The following SP140 variants were observed in gnomAD, a reference collection of about 807,000 sequenced individuals.
SP140 encodes the protein SP140 nuclear body protein.
Under a neutral mutation model 125.0 loss-of-function variants are expected in SP140, and 81 were observed. That is an observed-to-expected ratio of 0.65 (90% confidence interval 0.54 to 0.78). The LOEUF is 0.78. Among genes scored for constraint, SP140 ranks in the 30% least tolerant of loss-of-function variants. The pLI is 0.00. For synonymous variants in SP140, 312 were observed against 354.0 expected (o/e 0.88, Z 1.33); for missense variants, 858 against 1,037.0 (o/e 0.83, Z 2.37).
chr2:230,233,751 T>C (rs2047587654), intron 1 of SP140, among the ~76,000 whole-genome samples: 1 of 152,234 alleles, frequency 6.6e-6, no homozygotes. Context: ...AGCATTGCTT[T>C]ACATTTTTAT....
chr2:230,208,601 T>C (rs932255666), intron 1 of SP140, among the ~76,000 whole-genome samples: 4 of 152,138 alleles, frequency 2.6e-5, no homozygotes, highest in African/African-American at 9.7e-5. Context: ...AAGTCACTGA[T>C]TGAGCAAAAA....
At chr2:230,297,380 G>C (rs1348850863) in intron 21 of SP140, 41 bp from the exon 22 acceptor site, 1 of 1,587,692 alleles carries the variant, frequency 6.3e-7, no homozygotes. Flanking sequence ...TGGAAACAAT[G>C]CATTCAATAT....
intron 21 of SP140, among the ~76,000 whole-genome samples, chr2:230,295,113 A>G (rs1255457506): frequency 6.6e-6 from 1 of 152,272 alleles, no homozygotes; most frequent in African/African-American, 2.4e-5. Flanking sequence ...GGTTAAGTGC[A>G]GTGTATATTC....
chr2:230,229,773 TC>T (rs2046985430), intron 1 of SP140, among the ~76,000 whole-genome samples: 1 of 152,118 alleles, frequency 6.6e-6, no homozygotes, highest in Admixed American at 6.5e-5. Context: ...AATCTTTATT[TC>T]TACTTTACTT....
intron 22 of SP140, among the ~76,000 whole-genome samples, chr2:230,306,151 C>T (rs556125729): frequency 1.3e-5 from 2 of 152,324 alleles, no homozygotes; most frequent in African/African-American, 4.8e-5. Flanking sequence ...GCCCTGTGTC[C>T]CTGAGGCAGG....
At chr2:230,250,481 TCTC>T (rs2050193289) in intron 9 of SP140, among the ~76,000 whole-genome samples, 1 of 151,992 alleles carries the variant, frequency 6.6e-6, no homozygotes, top group African/African-American at 2.4e-5. Flanking sequence ...GGCCCACTCT[TCTC>T]CTGATCCCTT....
intron 9 of SP140, among the ~76,000 whole-genome samples, chr2:230,249,520 T>G (rs1453575379): frequency 1.3e-5 from 2 of 151,810 alleles, no homozygotes; most frequent in Non-Finnish European, 2.9e-5. Context: ...ATATATAAAA[T>G]AAGGGACATT....
intron 11 of SP140, among the ~76,000 whole-genome samples, chr2:230,255,003 A>G (rs1183876309): frequency 6.6e-6 from 1 of 152,114 alleles, no homozygotes; most frequent in Non-Finnish European, 1.5e-5. Flanking sequence ...CTTTCCTGAT[A>G]CCCAGTATGA....
At chr2:230,310,968 A>G (rs1185581317) in intron 24 of SP140, 117 bp downstream of exon 24, 7 of 742,072 alleles carry the variant, frequency 9.4e-6, no homozygotes, top group Admixed American at 6.0e-5. Context: ...CCACACTTCA[A>G]TGGCACTGAT....
In SP140 at chr2:230,294,252, G is replaced by A; in HGVS notation, c.1969-19G>A. On this transcript the variant is annotated intron_variant, in intron 20 of 26. Coordinates refer to ENST00000392045, the MANE Select transcript of SP140 (RefSeq NM_007237.5). ...GGAAACACAGGCTGACCATATACCT[G>A]AATCTTTTTGTCTTTCAGAATGGAT... 1.2e-6 allele frequency: 2 copies of A among 1,610,106 alleles called. No homozygotes were observed. The highest frequency in any genetic ancestry group is 3.3e-5 in the Admixed American group (2 of 59,928).
At chr2:230,261,149 T>C (rs2052166699) in intron 12 of SP140, among the ~76,000 whole-genome samples, 1 of 152,178 alleles carries the variant, frequency 6.6e-6, no homozygotes, top group Non-Finnish European at 1.5e-5. Context: ...TGTAGAGGTC[T>C]TTCGACTCCC....
intron 15 of SP140, 196 bp downstream of exon 15, chr2:230,270,835 A>G (rs1416034354): frequency 6.3e-6 from 4 of 639,660 alleles, no homozygotes; most frequent in African/African-American, 1.8e-5. Context: ...AAGGGACTTT[A>G]CAGATACAAT....
intron 1 of SP140, among the ~76,000 whole-genome samples, chr2:230,235,435 A>G (rs1559220815): frequency 1.3e-5 from 2 of 152,226 alleles, no homozygotes; most frequent in Non-Finnish European, 2.9e-5. Flanking sequence ...TTCTAGTGAA[A>G]GAGGAGAAAA....
At chr2:230,296,972 A>G (rs763089078) in intron 21 of SP140, among the ~76,000 whole-genome samples, 1 of 152,218 alleles carries the variant, frequency 6.6e-6, no homozygotes, top group Non-Finnish European at 1.5e-5. Flanking sequence ...TAAAGGGAAG[A>G]CTGTTTACAA....
chr2:230,234,247 G>T (rs2047658225), intron 1 of SP140, among the ~76,000 whole-genome samples: 1 of 152,186 alleles, frequency 6.6e-6, no homozygotes, highest in Admixed American at 6.5e-5. Flanking sequence ...TCTGTCTCTG[G>T]CTGAGGAGCA....
chr2:230,309,055 T>C (rs1401714905), intron 22 of SP140, among the ~76,000 whole-genome samples: 1 of 152,198 alleles, frequency 6.6e-6, no homozygotes, highest in African/African-American at 2.4e-5. Flanking sequence ...TGGATGCAAA[T>C]ACCATCATAT....
chr2:230,291,134 T>C (rs552341617), intron 19 of SP140, among the ~76,000 whole-genome samples: 4 of 152,334 alleles, frequency 2.6e-5, no homozygotes, highest in Admixed American at 6.5e-5. Context: ...AATATGTAAA[T>C]TTACATGTTT....
intron 1 of SP140, among the ~76,000 whole-genome samples, chr2:230,231,495 C>T (rs1001117147): frequency 2.0e-5 from 3 of 152,150 alleles, no homozygotes; most frequent in African/African-American, 7.2e-5. Context: ...CTTTCCCCTG[C>T]TTTCTCTGGG....
At chr2:230,241,569 C>G in intron 4 of SP140, 82 bp downstream of exon 4, 1 of 794,080 alleles carries the variant, frequency 1.3e-6, no homozygotes, top group Non-Finnish European at 2.2e-6. Context: ...TATTTCCTCT[C>G]CTGTCTTAGC....
Sources: gnomAD v4.1 joint callset for allele counts (sites outside exome capture counted in the v4.1 genomes callset) on GRCh38, gnomAD v4.1.1 for gene constraint, MANE v1.5 for transcripts, NCBI Gene and HGNC (gene_info 2026-07-23, HGNC 2026-07-21) for gene names.